CDC42BPA: variants seen among roughly 807,000 people sequenced by gnomAD.
The protein encoded by CDC42BPA is CDC42 binding protein kinase alpha.
In CDC42BPA, 80 loss-of-function variants were observed where a neutral mutation model predicts 223.5. The observed-to-expected ratio is 0.36, with a 90% CI of 0.30 to 0.43. The LOEUF is 0.43. CDC42BPA is among the 20% of genes least tolerant of loss of function. The probability of loss-of-function intolerance (pLI) is 1.00; values close to 1 mark genes in which losing one functional copy is unlikely to be tolerated. For missense variants in CDC42BPA, 1,743 were observed against 2,099.9 expected (o/e 0.83, Z 3.32); for synonymous variants, 694 against 718.6 (o/e 0.97, Z 0.55).
At chr1:227,101,402 T>C (rs79766410) in intron 14 of CDC42BPA, among the ~76,000 whole-genome samples, 163 bp from the exon 15 acceptor site, 9,110 of 147,218 alleles carry the variant, frequency 0.062, 282 homozygotes, top group Non-Finnish European at 0.074. Context: ...GCCTGCCATA[T>C]ATTGCAAATA....
intron 14 of CDC42BPA, among the ~76,000 whole-genome samples, chr1:227,104,719 A>C (rs1334364359): frequency 6.6e-6 from 1 of 152,172 alleles, no homozygotes; most frequent in Non-Finnish European, 1.5e-5. Flanking sequence ...GCGTCCTTAT[A>C]AAAGGAGAAA....
At position 227,030,445 on chromosome 1, in the gene CDC42BPA, G is replaced by A. The variant is rs1444708082; in HGVS notation, c.3801C>T (p.Asn1267=). 13 of 1,599,214 alleles carry A rather than the reference G, an allele frequency of 8.1e-6. No homozygotes were observed. Among genetic ancestry groups the A allele is most frequent in the African/African-American group, 5.4e-5 (4 of 73,954 alleles). The change falls in exon 29 of 37, where the codon AAC becomes AAT. Residue 1267 remains asparagine, a synonymous_variant. Transcript: ENST00000366766. ...IIDHERIALG[N]EEGLFVVHVT... ...CATGTACAACAAATAACCCTTCTTC[G>A]TTTCCCAAAGCAATTCTTTCATGAT...
intron 1 of CDC42BPA, among the ~76,000 whole-genome samples, chr1:227,258,330 C>T (rs1401468792): frequency 6.6e-6 from 1 of 150,810 alleles, no homozygotes; most frequent in Non-Finnish European, 1.5e-5. Flanking sequence ...CTAGCTCCCC[C>T]ACCCAGACTA....
Position 226,994,480 on chromosome 1 carries a change from T to C in CDC42BPA, c.5134-81A>G. On this transcript the variant is annotated intron_variant, in intron 36 of 36. Coordinates refer to ENST00000366766, the MANE Select transcript of CDC42BPA (RefSeq NM_001394014.1). The surrounding 1 kb of genome is among the most constrained non-coding windows in gnomAD (Gnocchi z 4.0). Reference sequence around the variant, plus strand: ...AGGGGCTCAGATTACCACCGCCCCCTCCAGCCACCCTGACCAAATAACCCC... The same window carrying C: ...AGGGGCTCAGATTACCACCGCCCCCCCCAGCCACCCTGACCAAATAACCCC... The C allele has an allele frequency of 7.0e-7, 1 of 1,423,900 alleles. No homozygotes were observed. The highest frequency in any genetic ancestry group is 9.3e-7 in the Non-Finnish European group (1 of 1,078,322). 88.2% of individuals were successfully genotyped at this position (1,423,900 alleles called of 1,614,324 possible).
At chr1:227,117,007 A>G (rs1687872814) in intron 12 of CDC42BPA, among the ~76,000 whole-genome samples, 1 of 152,180 alleles carries the variant, frequency 6.6e-6, no homozygotes. Flanking sequence ...AACAGGAGAA[A>G]GCAGGAAGCA....
At chr1:227,098,741 T>C (rs886596737) in intron 15 of CDC42BPA, among the ~76,000 whole-genome samples, 3 of 151,754 alleles carry the variant, frequency 2.0e-5, no homozygotes, top group Non-Finnish European at 2.9e-5. Context: ...TGTCATCTTC[T>C]GCTTGGATTA....
chr1:227,041,147 A>T (rs1302036859), intron 23 of CDC42BPA, among the ~76,000 whole-genome samples: 2 of 152,126 alleles, frequency 1.3e-5, no homozygotes, highest in South Asian at 2.1e-4. Context: ...ACTCAAAAAA[A>T]AATAATTTCA....
At chr1:227,203,812 G>A (rs1320542058) in intron 3 of CDC42BPA, among the ~76,000 whole-genome samples, 2 of 152,110 alleles carry the variant, frequency 1.3e-5, no homozygotes, top group African/African-American at 4.8e-5. Flanking sequence ...GGACTATTGG[G>A]ATAAACAGGA....
rs368245135 is a variant in CDC42BPA, at chr1:227,139,741, C to T, written c.1225G>A (p.Val409Ile). ...CTTAAACAGCTCCGATCAGAAAGTACACTGAAGAAAAGAAAAAAAAATGTA... is the reference window on the plus strand; with the variant it reads ...CTTAAACAGCTCCGATCAGAAAGTATACTGAAGAAAAGAAAAAAAAATGTA... ...FVGFTYTSSC[V>I]LSDRSCLRVT... Residue 409 changes from valine (V) to isoleucine (I), a missense_variant and splice_region_variant, in exon 10 of 37, where the codon GTA becomes ATA. Physicochemically the swap from Val to Ile is conservative, Grantham distance 29. Around this residue, in one of 6 missense-constraint regions of CDC42BPA, gnomAD observed 464 missense variants for 488.0 expected, o/e 0.95. Transcript: ENST00000366766. 2 of 1,509,670 alleles carry T rather than the reference C, an allele frequency of 1.3e-6. No individual in the cohort carries two copies. The highest frequency in any genetic ancestry group is 1.4e-5 in the African/African-American group (1 of 70,194). 93.5% of individuals were successfully genotyped at this position (1,509,670 alleles called of 1,614,324 possible). A position where few individuals can be genotyped will look rare whatever the true frequency, so the allele number is the denominator to read the frequency against.
In CDC42BPA at chr1:226,991,438, T is replaced by C. The variant is rs1263444897; in HGVS notation, c.*2830A>G. 6.6e-6 allele frequency: 1 copy of C among 152,208 alleles called. No homozygotes were observed. The highest frequency in any genetic ancestry group is 1.5e-5 in the Non-Finnish European group (1 of 68,038). The allele number at this position is 152,208 out of a possible 1,614,324, so 9.4% of individuals were successfully genotyped here. A position where few individuals can be genotyped will look rare whatever the true frequency, so the allele number is the denominator to read the frequency against. On this transcript the variant is annotated 3_prime_UTR_variant, in exon 37 of 37. Transcript: ENST00000366766. ...TCAGAAGCTTCTGGAGGTAACAGGC[T>C]TCATATTTAAGGGTGGGATAAACCC...
intron 1 of CDC42BPA, among the ~76,000 whole-genome samples, chr1:227,265,831 G>C (rs1040291888): frequency 1.3e-5 from 2 of 151,900 alleles, no homozygotes; most frequent in Non-Finnish European, 2.9e-5. Flanking sequence ...AAAAACTGAT[G>C]GTCCAAAGAA....
chr1:227,043,033 A>T (rs1175580579), intron 23 of CDC42BPA, among the ~76,000 whole-genome samples: 1 of 152,196 alleles, frequency 6.6e-6, no homozygotes, highest in African/African-American at 2.4e-5. Flanking sequence ...TAGATAATTA[A>T]ACTTTTACCA....
chr1:227,101,217 G>A lies in CDC42BPA; in HGVS notation c.2024C>T (p.Pro675Leu), dbSNP rs1684998204. ...GLKQKQISYSPGVCSIEHQQE... is the reference protein window; with the variant it reads ...GLKQKQISYSLGVCSIEHQQE... ...CTGATGTTCTATGCTGCATACTCCT[G>A]GTGAGTAACTAATTTGTTTTTGCTA... Residue 675 changes from proline to leucine, a missense_variant, in exon 15 of 37, where the codon CCA (proline) becomes CTA (leucine). Physicochemically the swap from Pro to Leu is moderately conservative, Grantham distance 98. Transcript: ENST00000366766. 2 of 1,551,988 alleles carry A rather than the reference G, an allele frequency of 1.3e-6. No individual in the cohort carries two copies. Among genetic ancestry groups the A allele is most frequent in the Non-Finnish European group, 1.7e-6 (2 of 1,148,020 alleles).
intron 1 of CDC42BPA, among the ~76,000 whole-genome samples, chr1:227,278,221 G>A (rs1055774921): frequency 6.6e-5 from 10 of 152,216 alleles, no homozygotes; most frequent in Non-Finnish European, 1.3e-4. Flanking sequence ...GAAAAGCAAT[G>A]TACTGCCTTG....
At chr1:227,141,222 C>T (rs1321768157) in intron 9 of CDC42BPA, among the ~76,000 whole-genome samples, 1 of 152,076 alleles carries the variant, frequency 6.6e-6, no homozygotes, top group Non-Finnish European at 1.5e-5. Context: ...CAAGAAACAA[C>T]AGTATGAGAA....
At chr1:227,089,430 C>A (rs1324188233) in intron 16 of CDC42BPA, among the ~76,000 whole-genome samples, 13 of 152,070 alleles carry the variant, frequency 8.5e-5, no homozygotes, top group Non-Finnish European at 7.4e-5. Context: ...GAGAGAGATG[C>A]AAAAATTGAA....
intron 24 of CDC42BPA, among the ~76,000 whole-genome samples, chr1:227,038,671 C>T (rs1670785035): frequency 6.6e-6 from 1 of 152,182 alleles, no homozygotes; most frequent in Admixed American, 6.5e-5. Flanking sequence ...GCACCCAGAT[C>T]AGCTACAGAA....
At chr1:227,035,446 C>T (rs1398167840) in intron 25 of CDC42BPA, 25 bp downstream of exon 25, 1 of 1,576,188 alleles carries the variant, frequency 6.3e-7, no homozygotes, top group Non-Finnish European at 8.6e-7. Context: ...AAGGATTAAT[C>T]TAAACCCAAC....
chr1:227,015,801 GT>G lies in CDC42BPA; in HGVS notation c.4857+278del, dbSNP rs762846917. On this transcript the variant is annotated intron_variant, in intron 34 of 36. Coordinates refer to ENST00000366766, the MANE Select transcript of CDC42BPA (RefSeq NM_001394014.1). ...GTATAGAACCTCTCCGAATTTGGTA[GT>G]TTCTTCCACCACCAATAGTAAACCT... 1.5e-3 allele frequency among the ~76,000 whole-genome samples: 222 copies of G among 152,274 alleles called. 2 individuals carry two copies. Among genetic ancestry groups the G allele is most frequent in the Non-Finnish European group, 2.2e-3 (152 of 68,024 alleles).
Sources: gnomAD v4.1 joint callset for allele counts (sites outside exome capture counted in the v4.1 genomes callset) on GRCh38, gnomAD v4.1.1 for gene constraint, gnomAD v4.1.1 regional missense constraint, Gnocchi (gnomAD v3.1) non-coding constraint, MANE v1.5 for transcripts, NCBI Gene and HGNC (gene_info 2026-07-23, HGNC 2026-07-21) for gene names.